ASIC2: variants seen among roughly 807,000 people sequenced by gnomAD.
ASIC2 encodes the protein acid sensing ion channel subunit 2.
ASIC2 carries 25 observed loss-of-function variants against 57.3 expected under a neutral mutation model. That is an observed-to-expected ratio of 0.44 (90% CI 0.32 to 0.61). The LOEUF is 0.61. ASIC2 is among the 20% of genes least tolerant of loss of function. ASIC2 has a pLI of 0.06. For missense variants in ASIC2, 641 were observed against 738.1 expected, an observed-to-expected ratio of 0.87 and a Z score of 1.52; for synonymous variants, 319 against 307.5, an observed-to-expected ratio of 1.04 and a Z score of -0.39.
intron 1 of ASIC2, among the ~76,000 whole-genome samples, chr17:33,500,195 T>G (rs938795465): frequency 6.6e-6 from 1 of 152,156 alleles, no homozygotes; most frequent in Non-Finnish European, 1.5e-5. Flanking sequence ...GGCTGGCACA[T>G]TCTCTTTTTT....
chr17:33,797,337 T>C (rs1255323026), intron 1 of ASIC2, among the ~76,000 whole-genome samples: 1 of 152,094 alleles, frequency 6.6e-6, no homozygotes, highest in Non-Finnish European at 1.5e-5. Flanking sequence ...GGGAAACGTC[T>C]GGCATGACTA....
chr17:33,310,080 G>A (rs541292034), intron 1 of ASIC2, among the ~76,000 whole-genome samples: 54 of 151,320 alleles, frequency 3.6e-4, no homozygotes, highest in Non-Finnish European at 5.7e-4. Context: ...TTAATACTCC[G>A]TATTATTGTT....
intron 1 of ASIC2, among the ~76,000 whole-genome samples, chr17:34,134,498 G>A: frequency 6.6e-6 from 1 of 152,326 alleles, no homozygotes; most frequent in East Asian, 1.9e-4. Context: ...GCAGGAAGGA[G>A]AGAATGGAAG....
intron 1 of ASIC2, among the ~76,000 whole-genome samples, chr17:34,092,133 C>T (rs1162932999): frequency 2.0e-5 from 3 of 152,170 alleles, no homozygotes; most frequent in South Asian, 2.1e-4. Flanking sequence ...TACACCAGTA[C>T]ACCCCCAAAA....
intron 1 of ASIC2, among the ~76,000 whole-genome samples, chr17:33,448,474 T>C (rs1912122257): frequency 6.6e-6 from 1 of 152,194 alleles, no homozygotes; most frequent in Non-Finnish European, 1.5e-5. Flanking sequence ...CCATCATAAG[T>C]GTCCTTATAA....
chr17:33,488,379 C>T (rs1235612421), intron 1 of ASIC2, among the ~76,000 whole-genome samples: 1 of 152,200 alleles, frequency 6.6e-6, no homozygotes, highest in African/African-American at 2.4e-5. Flanking sequence ...ATTACAAAAA[C>T]ATTTTTCAAA....
chr17:33,039,508 C>G (rs894681343), intron 3 of ASIC2, among the ~76,000 whole-genome samples: 11 of 152,230 alleles, frequency 7.2e-5, no homozygotes, highest in Non-Finnish European at 1.3e-4. Context: ...GGTTGAGCCT[C>G]TCTGACCTTT....
intron 1 of ASIC2, among the ~76,000 whole-genome samples, chr17:33,432,488 C>T (rs1440408558): frequency 6.6e-6 from 1 of 152,226 alleles, no homozygotes; most frequent in African/African-American, 2.4e-5. Flanking sequence ...ATGATCCCTA[C>T]ACTGCCTTCC....
intron 1 of ASIC2, among the ~76,000 whole-genome samples, chr17:33,492,842 A>G (rs1322673307): frequency 6.6e-6 from 1 of 152,154 alleles, no homozygotes; most frequent in Admixed American, 6.5e-5. Context: ...AATGGGGGAA[A>G]GCTGCCCAGA....
chr17:33,577,019 T>C (rs1030845963), intron 1 of ASIC2, among the ~76,000 whole-genome samples: 2 of 152,246 alleles, frequency 1.3e-5, no homozygotes, highest in Non-Finnish European at 2.9e-5. Flanking sequence ...TTGTAACAAA[T>C]GTATGACCTC....
chr17:33,577,423 C>A (rs1297753853), intron 1 of ASIC2, among the ~76,000 whole-genome samples: 1 of 152,178 alleles, frequency 6.6e-6, no homozygotes, highest in Non-Finnish European at 1.5e-5. Flanking sequence ...GCGAGCAGGG[C>A]AGCCTGACAT....
At chr17:33,998,510 T>TA (rs1906233957) in intron 1 of ASIC2, among the ~76,000 whole-genome samples, 1 of 152,188 alleles carries the variant, frequency 6.6e-6, no homozygotes, top group African/African-American at 2.4e-5. Context: ...TTTATTGCTA[T>TA]AAACCTCCCT....
chr17:33,679,350 A>G (rs1450089882), intron 1 of ASIC2, among the ~76,000 whole-genome samples: 1 of 152,210 alleles, frequency 6.6e-6, no homozygotes, highest in Non-Finnish European at 1.5e-5. Flanking sequence ...TTTTAAGAGT[A>G]AAGAAGAGAG....
At chr17:33,519,743 G>C (rs1235669520) in intron 1 of ASIC2, among the ~76,000 whole-genome samples, 1 of 152,154 alleles carries the variant, frequency 6.6e-6, no homozygotes, top group African/African-American at 2.4e-5. Context: ...TAAGGAGAGT[G>C]GGAATAATCT....
intron 1 of ASIC2, among the ~76,000 whole-genome samples, chr17:33,426,430 T>C (rs1004277608): frequency 2.0e-5 from 3 of 152,214 alleles, no homozygotes; most frequent in Non-Finnish European, 4.4e-5. Flanking sequence ...TTTCTGGGGC[T>C]GAGGCAAACT....
intron 6 of ASIC2, 89 bp downstream of exon 6, chr17:33,023,772 G>A: frequency 1.3e-6 from 2 of 1,543,476 alleles, no homozygotes; most frequent in East Asian, 4.5e-5. Flanking sequence ...TGAACCAAAT[G>A]CTTATCTTTG....
rs560769564 is a variant in ASIC2, at chr17:33,036,696, T to A, written c.988-8304A>T. 1.3e-3 allele frequency among the ~76,000 whole-genome samples: 191 copies of A among 152,276 alleles called. 2 individuals are homozygous for A. Among genetic ancestry groups the A allele is most frequent in the Non-Finnish European group, 2.0e-3 (134 of 68,014 alleles). ...GCACTAGGGTTACAGGTGTGAGTCA[T>A]CATGCCCAGCCTTTCTTTTGTTTTT... is the stretch of plus-strand genomic sequence containing the variant. On this transcript the variant is annotated intron_variant, in intron 3 of 9. Transcript: ENST00000225823.
intron 2 of ASIC2, among the ~76,000 whole-genome samples, chr17:33,107,399 A>G (rs570114711): frequency 6.6e-6 from 1 of 152,314 alleles, no homozygotes; most frequent in African/African-American, 2.4e-5. Context: ...TGTGTTTAAT[A>G]TTTTTTAACC....
chr17:33,385,733 A>G (rs1909651097), intron 1 of ASIC2, among the ~76,000 whole-genome samples: 1 of 152,222 alleles, frequency 6.6e-6, no homozygotes, highest in Admixed American at 6.5e-5. Context: ...AGAAGAAAGA[A>G]GTGTCCAGTG....
Sources: gnomAD v4.1 joint callset for allele counts (sites outside exome capture counted in the v4.1 genomes callset) on GRCh38, gnomAD v4.1.1 for gene constraint, MANE v1.5 for transcripts, NCBI Gene and HGNC (gene_info 2026-07-23, HGNC 2026-07-21) for gene names.